The following NSRP1 variants were observed in gnomAD, a reference collection of about 807,000 sequenced individuals.
The protein encoded by NSRP1 is nuclear speckle splicing regulatory protein 1, also known as coiled-coil domain containing 55.
In NSRP1, 24 loss-of-function variants were observed where a neutral mutation model predicts 54.7. That is an observed-to-expected ratio of 0.44 (90% confidence interval 0.32 to 0.62). The LOEUF (loss-of-function observed/expected upper bound fraction) is 0.62. Among genes scored for constraint, NSRP1 ranks in the 20% least tolerant of loss-of-function variants. NSRP1 has a pLI of 0.06. For synonymous variants in NSRP1, 210 were observed against 213.8 expected (o/e 0.98, Z 0.15); for missense variants, 596 against 651.2 (o/e 0.92, Z 0.92).
chr17:30,154,412 TC>T (rs2071942233), intron 2 of NSRP1: 1 of 148,312 alleles, frequency 6.7e-6, no homozygotes. Context: ...AGGTTGAGTA[TC>T]CCTTTCTGAA....
intron 2 of NSRP1, among the ~76,000 whole-genome samples, chr17:30,145,660 CTGT>C (rs998907750): frequency 3.9e-5 from 6 of 151,990 alleles, no homozygotes; most frequent in African/African-American, 1.4e-4. Flanking sequence ...TTGGTGGCCA[CTGT>C]TGTTTTTCTC....
intron 2 of NSRP1, among the ~76,000 whole-genome samples, chr17:30,144,944 T>C (rs1317472200): frequency 2.0e-5 from 3 of 152,240 alleles, no homozygotes; most frequent in Non-Finnish European, 4.4e-5. Context: ...GTTTGACATA[T>C]GTGCTACCTG....
chr17:30,162,846 G>GT (rs1204120814), intron 2 of NSRP1, among the ~76,000 whole-genome samples: 1 of 151,632 alleles, frequency 6.6e-6, no homozygotes, highest in Non-Finnish European at 1.5e-5. Context: ...ACTATATTTT[G>GT]TTTCCTGGTG....
chr17:30,130,966 C>T (rs1597596500), intron 2 of NSRP1, among the ~76,000 whole-genome samples: 1 of 152,128 alleles, frequency 6.6e-6, no homozygotes, highest in Non-Finnish European at 1.5e-5. Flanking sequence ...AAAGCCACTG[C>T]CTTTATGGCA....
chr17:30,148,917 C>G (rs149304258), intron 2 of NSRP1, among the ~76,000 whole-genome samples: 4 of 152,220 alleles, frequency 2.6e-5, no homozygotes, highest in African/African-American at 9.6e-5. Context: ...TTTGAAATAA[C>G]TAGCCTTTGA....
At chr17:30,122,363 A>G (rs1460422813) in intron 2 of NSRP1, 462 of 14,734 alleles carry the variant, frequency 0.031, 15 homozygotes, top group African/African-American at 0.077. Context: ...ATATATATAT[A>G]TATATATATA....
intron 3 of NSRP1, among the ~76,000 whole-genome samples, chr17:30,173,013 G>C (rs1350371259): frequency 6.6e-6 from 1 of 151,354 alleles, no homozygotes; most frequent in Non-Finnish European, 1.5e-5. Flanking sequence ...GCCCAGGCTG[G>C]AGTGCCGTGG....
At chr17:30,152,689 T>C (rs1000803365) in intron 2 of NSRP1, among the ~76,000 whole-genome samples, 6 of 152,032 alleles carry the variant, frequency 3.9e-5, no homozygotes, top group African/African-American at 1.2e-4. Flanking sequence ...CTTTGAATTG[T>C]CTTGGTGTTG....
rs1979572 is a variant in NSRP1, at chr17:30,184,960, G to A, written c.963G>A (p.Gln321=). ...ATGAGAAAAGGGAAGATCAGCACCA[G>A]CAGAAGCAATCCAGAGACCAAGAGA... The part of the protein sequence containing the change: ...RGHEKREDQH[Q]QKQSRDQENH... The change falls in exon 7 of 7, where the codon CAG becomes CAA. Residue 321 remains glutamine (Q), a synonymous_variant. Coordinates refer to ENST00000247026, the MANE Select transcript of NSRP1 (RefSeq NM_032141.4). 0.47 allele frequency: 766,120 copies of A among 1,613,576 alleles called. 186,586 individuals carry two copies. Among genetic ancestry groups the A allele is most frequent in the East Asian group, 0.81 (36,338 of 44,864 alleles).
At chr17:30,178,834 A>T (rs529951090) in intron 4 of NSRP1, among the ~76,000 whole-genome samples, 1 of 152,236 alleles carries the variant, frequency 6.6e-6, no homozygotes, top group East Asian at 1.9e-4. Context: ...AATACCAGAA[A>T]AAAGAAAAAA....
At chr17:30,168,548 G>A (rs967493195) in intron 2 of NSRP1, among the ~76,000 whole-genome samples, 27 of 149,630 alleles carry the variant, frequency 1.8e-4, no homozygotes, top group African/African-American at 6.6e-4. Context: ...CAATCACGTT[G>A]TGCACATGTA....
In NSRP1 at chr17:30,181,027, G is replaced by A. The variant is rs111498942; in HGVS notation, c.617+11G>A. ...CTTTCGTGAAGCCAGGTGAGGAGAC[G>A]TGTATGAAATATTTTGAAGAAAAAT... On this transcript the variant is annotated intron_variant, in intron 6 of 6. Transcript: ENST00000247026. 3.2e-4 allele frequency: 489 copies of A among 1,505,308 alleles called. 2 individuals are homozygous for A. In the African/African-American group the frequency reaches 5.7e-3, roughly 17 times the overall value. The allele number at this position is 1,505,308 out of a possible 1,614,324, so 93.2% of individuals were successfully genotyped here.
intron 2 of NSRP1, among the ~76,000 whole-genome samples, chr17:30,159,938 A>C (rs1177689306): frequency 6.6e-6 from 1 of 152,154 alleles, no homozygotes; most frequent in Non-Finnish European, 1.5e-5. Context: ...CTGGGATTAT[A>C]TGTGTAAGCC....
Position 30,180,225 on chromosome 17 carries a change from T to C in NSRP1, c.509-683T>C, listed in dbSNP as rs534264909. ...AGGCTGGAGTGCAGTCGTATGATCT[T>C]GGCTCACTGCAACCTCTGCCTCCCA... On this transcript the variant is annotated intron_variant, in intron 5 of 6. Transcript: ENST00000247026. Among the ~76,000 whole-genome samples, 4 of 152,320 alleles carry C rather than the reference T, an allele frequency of 2.6e-5. No individual in the cohort carries two copies. The South Asian group carries it at 6.2e-4, about 24-fold the overall frequency.
intron 3 of NSRP1, 83 bp downstream of exon 3, chr17:30,172,681 A>T (rs1373498547): frequency 9.9e-7 from 1 of 1,014,538 alleles, no homozygotes; most frequent in African/African-American, 1.6e-5. Flanking sequence ...CTAGGTGCTG[A>T]GACTAAAACA....
rs1172287455 is a variant in NSRP1, at chr17:30,118,060, T to A, written c.21-20T>A. Reference sequence around the variant, plus strand: ...TTAAACATAAAGGTTTAATTTCTATTTCAAAAAAAATATATGCAGGTATGG... The same window carrying A: ...TTAAACATAAAGGTTTAATTTCTATATCAAAAAAAATATATGCAGGTATGG... On this transcript the variant is annotated intron_variant, in intron 1 of 6. Coordinates refer to ENST00000247026, the MANE Select transcript of NSRP1 (RefSeq NM_032141.4). 1 of 1,595,794 alleles carries A rather than the reference T, an allele frequency of 6.3e-7. No homozygotes were observed. The highest frequency in any genetic ancestry group is 1.1e-5 in the South Asian group (1 of 89,830).
At chr17:30,167,553 G>A (rs761742148) in intron 2 of NSRP1, among the ~76,000 whole-genome samples, 11 of 151,924 alleles carry the variant, frequency 7.2e-5, no homozygotes, top group Non-Finnish European at 1.6e-4. Context: ...AGGTTGCAGT[G>A]AGCCGAGATC....
chr17:30,129,878 T>C (rs1346231369), intron 2 of NSRP1, among the ~76,000 whole-genome samples: 2 of 152,218 alleles, frequency 1.3e-5, no homozygotes, highest in African/African-American at 4.8e-5. Context: ...TTTTCTCATA[T>C]GCTATTAAAC....
intron 2 of NSRP1, among the ~76,000 whole-genome samples, chr17:30,147,774 T>TA (rs925414932): frequency 6.6e-6 from 1 of 151,666 alleles, no homozygotes; most frequent in Non-Finnish European, 1.5e-5. Context: ...CGGCCAGACT[T>TA]TTTTAAGTTA....
Sources: allele counts gnomAD v4.1 joint callset (sites outside exome capture counted in the v4.1 genomes callset), GRCh38; gene constraint gnomAD v4.1.1; transcripts MANE v1.5; gene names NCBI Gene and HGNC (gene_info 2026-07-23, HGNC 2026-07-21).